The following RNF150 variants were observed in gnomAD, a reference collection of about 807,000 sequenced individuals.
RNF150 encodes the protein ring finger protein 150.
A neutral mutation model predicts 39.3 loss-of-function variants in RNF150; 24 were observed. That is an observed-to-expected ratio of 0.61 (90% confidence interval 0.44 to 0.86). The LOEUF is 0.86. Among genes scored for constraint, RNF150 ranks in the 40% least tolerant of loss-of-function variants. The pLI, the probability that RNF150 is intolerant of heterozygous loss-of-function variation, is 0.00. For missense variants in RNF150, 502 were observed against 587.8 expected, an observed-to-expected ratio of 0.85 and a Z score of 1.51; for synonymous variants, 255 against 227.3, an observed-to-expected ratio of 1.12 and a Z score of -1.10.
intron 1 of RNF150, among the ~76,000 whole-genome samples, chr4:140,997,862 A>G (rs1734439161): frequency 6.6e-6 from 1 of 152,210 alleles, no homozygotes; most frequent in African/African-American, 2.4e-5. Flanking sequence ...TTGACAATGC[A>G]TAGACAACAG....
intron 6 of RNF150, among the ~76,000 whole-genome samples, chr4:140,894,070 A>T (rs1466874905): frequency 6.6e-6 from 1 of 152,220 alleles, no homozygotes; most frequent in Non-Finnish European, 1.5e-5. Context: ...AAAGCTATGC[A>T]AATCCCTTAT....
In RNF150 at chr4:141,182,360, T is replaced by C. The variant is rs376512699; in HGVS notation, c.-6+30434A>G. 7.1e-3 allele frequency among the ~76,000 whole-genome samples: 269 copies of C among 37,714 alleles called. 5 individuals carry two copies. The highest frequency in any genetic ancestry group is 0.028 in the African/African-American group (251 of 8,988). 24.7% of individuals were successfully genotyped at this position (37,714 alleles called of 152,430 possible). On this transcript the variant is annotated intron_variant, in intron 1 of 7. Coordinates refer to the RNF150 transcript ENST00000420921. Reference sequence around the variant, plus strand: ...TCAGGCAGGAGAAGGAAATAAAGGGTATTCAATTAGGAAAAGAGGAAGTCA... The same window carrying C: ...TCAGGCAGGAGAAGGAAATAAAGGGCATTCAATTAGGAAAAGAGGAAGTCA...
intron 1 of RNF150, among the ~76,000 whole-genome samples, chr4:140,992,522 GC>G (rs2111482114): frequency 6.6e-6 from 1 of 152,248 alleles, no homozygotes; most frequent in African/African-American, 2.4e-5. Context: ...AGTCAGCTGG[GC>G]CTTGCTCCCA....
In RNF150 at chr4:140,865,964, A is replaced by C. The variant is rs371702079; in HGVS notation, c.*2297T>G. ...TTTGGGCAAAGCCGACTGAAGGAGGAGTCAGTGGCGCAAGCCTATGCTGAC... is the reference window on the plus strand; with the variant it reads ...TTTGGGCAAAGCCGACTGAAGGAGGCGTCAGTGGCGCAAGCCTATGCTGAC... On this transcript the variant is annotated 3_prime_UTR_variant, in exon 7 of 7. Transcript: ENST00000515673. The C allele has an allele frequency of 6.6e-6, 1 of 152,238 alleles. No individual in the cohort carries two copies. Among genetic ancestry groups the C allele is most frequent in the Non-Finnish European group, 1.5e-5 (1 of 68,040 alleles). 9.4% of individuals were successfully genotyped at this position (152,238 alleles called of 1,614,324 possible).
At chr4:141,209,755 G>T (rs1199915823) in intron 1 of RNF150, among the ~76,000 whole-genome samples, 1 of 151,612 alleles carries the variant, frequency 6.6e-6, no homozygotes, top group East Asian at 1.9e-4. Flanking sequence ...CACCCAAAAT[G>T]GGGGGGTATC....
At chr4:141,070,181 T>C (rs1737635542) in intron 1 of RNF150, among the ~76,000 whole-genome samples, 2 of 152,122 alleles carry the variant, frequency 1.3e-5, no homozygotes, top group Non-Finnish European at 2.9e-5. Context: ...TAGACATATG[T>C]AGAAAGCTGA....
At chr4:141,086,421 T>C (rs1457448342) in intron 1 of RNF150, among the ~76,000 whole-genome samples, 1 of 152,130 alleles carries the variant, frequency 6.6e-6, no homozygotes, top group Non-Finnish European at 1.5e-5. Context: ...AATATCTGAC[T>C]TTATCCCTAT....
At chr4:141,102,064 C>G in intron 1 of RNF150, among the ~76,000 whole-genome samples, 1 of 152,038 alleles carries the variant, frequency 6.6e-6, no homozygotes, top group East Asian at 1.9e-4. Flanking sequence ...TTACAGGTGT[C>G]AGCCACTGCA....
At chr4:140,945,514 C>A (rs977454782) in intron 4 of RNF150, among the ~76,000 whole-genome samples, 1 of 148,938 alleles carries the variant, frequency 6.7e-6, no homozygotes, top group African/African-American at 2.5e-5. Context: ...CACATATACA[C>A]ACACTACATA....
chr4:140,894,929 C>T (rs969339067), intron 6 of RNF150, among the ~76,000 whole-genome samples: 3 of 152,158 alleles, frequency 2.0e-5, no homozygotes, highest in African/African-American at 7.2e-5. Context: ...GGCTGAGCTG[C>T]CTGAGTCTCC....
intron 1 of RNF150, among the ~76,000 whole-genome samples, chr4:141,185,971 G>A (rs1728000643): frequency 6.6e-6 from 1 of 152,180 alleles, no homozygotes; most frequent in South Asian, 2.1e-4. Flanking sequence ...ATGTTCATCA[G>A]GGACATTGGA....
At chr4:141,156,989 T>C (rs1578771594) in intron 1 of RNF150, among the ~76,000 whole-genome samples, 1 of 152,170 alleles carries the variant, frequency 6.6e-6, no homozygotes, top group Non-Finnish European at 1.5e-5. Context: ...CAGCAACACC[T>C]TGTGGTGAAT....
At position 141,110,772 on chromosome 4, in the gene RNF150, C is replaced by G. The variant is rs149889551; in HGVS notation, c.484+21553G>C. Among the ~76,000 whole-genome samples the G allele has an allele frequency of 3.8e-3, 576 of 152,060 alleles. 5 individuals carry two copies. The highest frequency in any genetic ancestry group is 4.3e-3 in the Non-Finnish European group (295 of 68,006). ...GGGTACAGCAGGTGTTAATAAATTT[C>G]CATTTGTTTATCTTTTGTTAATTTG... On this transcript the variant is annotated intron_variant, in intron 1 of 6. Coordinates refer to ENST00000515673, the MANE Select transcript of RNF150 (RefSeq NM_020724.2).
At chr4:140,945,558 TATATATACATATATACATATATATACTAC>T (rs1560980520) in intron 4 of RNF150, among the ~76,000 whole-genome samples, 2 of 142,300 alleles carry the variant, frequency 1.4e-5, no homozygotes, top group African/African-American at 2.6e-5. Flanking sequence ...ACACTACATA[TATATATACATATATACATATATATACTAC>T]ATATATACAT....
chr4:141,048,755 C>A (rs1337303568), intron 1 of RNF150, among the ~76,000 whole-genome samples: 1 of 151,966 alleles, frequency 6.6e-6, no homozygotes, highest in African/African-American at 2.4e-5. Flanking sequence ...AAACAAAAAA[C>A]AACTGTATGT....
intron 1 of RNF150, among the ~76,000 whole-genome samples, chr4:141,142,834 T>C (rs547485754): frequency 2.1e-4 from 32 of 152,030 alleles, no homozygotes; most frequent in Non-Finnish European, 3.7e-4. Flanking sequence ...TTATATTATG[T>C]AGGTGATCTA....
chr4:141,050,206 G>C (rs1468997801), intron 1 of RNF150, among the ~76,000 whole-genome samples: 2 of 152,046 alleles, frequency 1.3e-5, no homozygotes, highest in African/African-American at 4.8e-5. Context: ...AATGAAACTG[G>C]TTGTGTGTGT....
chr4:141,089,136 T>C (rs1738477996), intron 1 of RNF150, among the ~76,000 whole-genome samples: 1 of 152,160 alleles, frequency 6.6e-6, no homozygotes, highest in African/African-American at 2.4e-5. Flanking sequence ...TTGTGTTGCC[T>C]AGGTTGGACT....
chr4:140,953,566 G>GA (rs1732622710), intron 2 of RNF150, among the ~76,000 whole-genome samples: 2 of 150,454 alleles, frequency 1.3e-5, no homozygotes, highest in African/African-American at 2.4e-5. Flanking sequence ...CAAAATTAGG[G>GA]AAAAAACAAC....
Sources: gnomAD v4.1 joint callset for allele counts (sites outside exome capture counted in the v4.1 genomes callset) on GRCh38, gnomAD v4.1.1 for gene constraint, MANE v1.5 for transcripts, NCBI Gene and HGNC (gene_info 2026-07-23, HGNC 2026-07-21) for gene names.